Variants in EFL1 observed in about 807,000 individuals in gnomAD.
EFL1 encodes elongation factor-like GTPase 1.
Under a neutral mutation model 126.7 loss-of-function variants are expected in EFL1, and 76 were observed. The observed-to-expected ratio is 0.60, with a 90% CI of 0.50 to 0.73. EFL1 has a LOEUF of 0.73. Ranked by LOEUF, EFL1 falls within the 30% of genes least tolerant of loss-of-function variation. The pLI, the probability that EFL1 is intolerant of heterozygous loss-of-function variation, is 0.00. For synonymous variants in EFL1, 410 were observed against 448.4 expected (o/e 0.91, Z 1.08); for missense variants, 1,128 against 1,343.2 (o/e 0.84, Z 2.50).
intron 14 of EFL1, among the ~76,000 whole-genome samples, chr15:82,219,402 G>A (rs2074684237): frequency 6.6e-6 from 1 of 152,180 alleles, no homozygotes; most frequent in Non-Finnish European, 1.5e-5. Flanking sequence ...CTCTTGCCTA[G>A]AAGAGAAAAG....
chr15:82,221,739 G>C (rs182258969), intron 12 of EFL1, among the ~76,000 whole-genome samples: 1 of 152,308 alleles, frequency 6.6e-6, no homozygotes, highest in Non-Finnish European at 1.5e-5. Context: ...GGCACTAGGG[G>C]GCCACACTAC....
At chr15:82,241,130 C>A (rs1349842490) in intron 5 of EFL1, 140 bp downstream of exon 5, 1 of 918,052 alleles carries the variant, frequency 1.1e-6, no homozygotes, top group Non-Finnish European at 1.6e-6. Context: ...GGTGATTTAA[C>A]TCCTTCACAG....
At chr15:82,247,047 G>A (rs141957917) in intron 4 of EFL1, among the ~76,000 whole-genome samples, 2 of 152,212 alleles carry the variant, frequency 1.3e-5, no homozygotes, top group East Asian at 1.9e-4. Context: ...GACTGAAGAC[G>A]CTGGCAAGAC....
chr15:82,225,891 A>T (rs2074758251), intron 11 of EFL1, among the ~76,000 whole-genome samples: 1 of 152,184 alleles, frequency 6.6e-6, no homozygotes, highest in Non-Finnish European at 1.5e-5. Context: ...TGATTAATGA[A>T]TTTTTTTAAA....
At chr15:82,156,227 AGC>A (rs1391261578) in intron 17 of EFL1, among the ~76,000 whole-genome samples, 1 of 152,230 alleles carries the variant, frequency 6.6e-6, no homozygotes, top group Non-Finnish European at 1.5e-5. Context: ...ATCATGAGGT[AGC>A]GGTCTAGTTT....
chr15:82,213,749 TG>T (rs1318342288), intron 15 of EFL1, among the ~76,000 whole-genome samples: 1 of 152,228 alleles, frequency 6.6e-6, no homozygotes, highest in Non-Finnish European at 1.5e-5. Context: ...AAGCTGGCTG[TG>T]GCAGCTTAAT....
intron 12 of EFL1, among the ~76,000 whole-genome samples, chr15:82,223,081 C>T (rs1424014972): frequency 2.6e-5 from 4 of 152,066 alleles, no homozygotes; most frequent in African/African-American, 7.2e-5. Context: ...TTGTGGGCGC[C>T]GAATCCTGTT....
At chr15:82,229,181 G>T in intron 8 of EFL1, 71 bp from the exon 9 acceptor site, 2 of 1,123,256 alleles carry the variant, frequency 1.8e-6, no homozygotes, top group Non-Finnish European at 2.5e-6. Context: ...TTCTTGACAT[G>T]CTTTTATTAT....
chr15:82,157,899 G>C, intron 16 of EFL1, 39 bp from the exon 17 acceptor site: 1 of 1,570,042 alleles, frequency 6.4e-7, no homozygotes, highest in African/African-American at 1.4e-5. Context: ...TATGATATAA[G>C]AACTAACACA....
intron 7 of EFL1, among the ~76,000 whole-genome samples, chr15:82,237,299 C>A (rs1311610820): frequency 1.3e-5 from 2 of 152,052 alleles, no homozygotes; most frequent in Non-Finnish European, 2.9e-5. Flanking sequence ...ATAGAAAAAA[C>A]TCTCAAAATT....
intron 15 of EFL1, among the ~76,000 whole-genome samples, chr15:82,167,932 G>T (rs1373954517): frequency 6.6e-6 from 1 of 152,188 alleles, no homozygotes; most frequent in Admixed American, 6.5e-5. Flanking sequence ...CTGTTAACCT[G>T]TTTAAGCTGA....
At chr15:82,169,205 T>C (rs1025903746) in intron 15 of EFL1, among the ~76,000 whole-genome samples, 2 of 152,130 alleles carry the variant, frequency 1.3e-5, no homozygotes, top group African/African-American at 2.4e-5. Flanking sequence ...GAGTGGGGCA[T>C]AGTATTTTAT....
intron 19 of EFL1, among the ~76,000 whole-genome samples, chr15:82,131,966 A>T (rs2654201): frequency 0.3 from 45,227 of 152,024 alleles, 7,646 homozygotes; most frequent in South Asian, 0.7. Context: ...TATAGGGTAT[A>T]TCTAACAGGA....
chr15:82,207,037 C>T (rs1448246383), intron 15 of EFL1, among the ~76,000 whole-genome samples: 1 of 152,028 alleles, frequency 6.6e-6, no homozygotes, highest in East Asian at 1.9e-4. Context: ...TCACCTAATA[C>T]TGTATTCCAG....
Position 82,258,948 on chromosome 15 carries a change from G to C in EFL1, c.159+140C>G, listed in dbSNP as rs563008450. On this transcript the variant is annotated intron_variant, in intron 3 of 19. Coordinates refer to ENST00000268206, the MANE Select transcript of EFL1 (RefSeq NM_024580.6). ...TTTTTCTCCTCAGCATTTTTATCTTGCAAAATGGATTGGCAGCTTTTAGAC... is the reference window on the plus strand; with the variant it reads ...TTTTTCTCCTCAGCATTTTTATCTTCCAAAATGGATTGGCAGCTTTTAGAC... The C allele has an allele frequency of 3.3e-5, 24 of 736,512 alleles. No individual in the cohort carries two copies. In the African/African-American group the frequency reaches 3.9e-4, roughly 12 times the overall value. The allele number at this position is 736,512 out of a possible 1,614,324, so 45.6% of individuals were successfully genotyped here.
intron 18 of EFL1, among the ~76,000 whole-genome samples, chr15:82,148,972 T>A (rs1167229383): frequency 1.7e-4 from 1 of 6,044 alleles, no homozygotes; most frequent in Admixed American, 2.8e-3. Context: ...TAACCTAAGC[T>A]TTTTTTTTTT....
At chr15:82,197,996 T>C (rs981673444) in intron 15 of EFL1, among the ~76,000 whole-genome samples, 2 of 152,212 alleles carry the variant, frequency 1.3e-5, no homozygotes, top group African/African-American at 4.8e-5. Flanking sequence ...TTAACGAAAC[T>C]GTAGCACAGT....
At chr15:82,256,347 G>A (rs751564569) in intron 3 of EFL1, among the ~76,000 whole-genome samples, 32 of 152,118 alleles carry the variant, frequency 2.1e-4, no homozygotes, top group African/African-American at 7.0e-4. Flanking sequence ...TATTGCTCAC[G>A]TATACTTCTT....
chr15:82,182,781 C>T (rs374101283), intron 15 of EFL1, among the ~76,000 whole-genome samples: 9 of 151,512 alleles, frequency 5.9e-5, no homozygotes, highest in South Asian at 2.1e-4. Context: ...ACCGAGATCG[C>T]GCCACTGTAC....
Sources: gnomAD v4.1 joint callset for allele counts (sites outside exome capture counted in the v4.1 genomes callset) on GRCh38, gnomAD v4.1.1 for gene constraint, MANE v1.5 for transcripts, NCBI Gene and HGNC (gene_info 2026-07-23, HGNC 2026-07-21) for gene names.